GHR: variants seen among roughly 807,000 people sequenced by gnomAD.
GHR encodes the protein GH receptor.
In GHR, 35 loss-of-function variants were observed where a neutral mutation model predicts 67.1. The observed-to-expected ratio is 0.52, with a 90% confidence interval of 0.40 to 0.69. GHR has a LOEUF of 0.69. Ranked by LOEUF, GHR falls within the 30% of genes least tolerant of loss-of-function variation. The pLI is 0.00. For synonymous variants in GHR, 272 were observed against 269.1 expected (o/e 1.01, Z -0.10); for missense variants, 792 against 764.6 (o/e 1.04, Z -0.42).
Position 42,466,073 on chromosome 5 carries a change from G to T in GHR, c.-12+42118G>T, listed in dbSNP as rs1375445160. ...CTTTGATTCCTCTATCCAGGAAGGGGGCTGTTGGTTGCATCTTACCCAAAT... is the reference window on the plus strand; with the variant it reads ...CTTTGATTCCTCTATCCAGGAAGGGTGCTGTTGGTTGCATCTTACCCAAAT... On this transcript the variant is annotated intron_variant, in intron 1 of 9. Coordinates refer to ENST00000230882, the MANE Select transcript of GHR (RefSeq NM_000163.5). The T allele has an allele frequency of 1.4e-5, 5 of 363,882 alleles. No individual in the cohort carries two copies. In the East Asian group the frequency reaches 3.1e-4, roughly 23 times the overall value. The allele number at this position is 363,882 out of a possible 1,614,324, so 22.5% of individuals were successfully genotyped here.
In GHR at chr5:42,718,814, A is replaced by G. The variant is rs773492217; in HGVS notation, c.1307A>G (p.Tyr436Cys). 2 of 1,614,170 alleles carry G rather than the reference A, an allele frequency of 1.2e-6. No individual in the cohort carries two copies. Among genetic ancestry groups the G allele is most frequent in the Non-Finnish European group, 1.7e-6 (2 of 1,180,040 alleles). The change falls in exon 10 of 10, where the codon TAT (tyrosine) becomes TGT (cysteine). Residue 436 changes from tyrosine to cysteine, a missense_variant. By Grantham distance (194) the Tyr-to-Cys change is radical. Coordinates refer to ENST00000230882, the MANE Select transcript of GHR (RefSeq NM_000163.5). Reference sequence around the variant, plus strand: ...CAGAAGAATCAAAATAACTCACCTTATCATGATGCTTGCCCTGCTACTCAG... The same window carrying G: ...CAGAAGAATCAAAATAACTCACCTTGTCATGATGCTTGCCCTGCTACTCAG... ...LDQKNQNNSP[Y>C]HDACPATQQP...
intron 2 of GHR, among the ~76,000 whole-genome samples, chr5:42,587,672 GT>G (rs1006888637): frequency 7.6e-5 from 11 of 145,606 alleles, no homozygotes; most frequent in East Asian, 4.0e-4. Flanking sequence ...GGTTTTTTTT[GT>G]TTTTTTTTTG....
chr5:42,541,817 G>T (rs77799989), intron 1 of GHR, among the ~76,000 whole-genome samples: 121 of 152,234 alleles, frequency 7.9e-4, no homozygotes, highest in African/African-American at 2.9e-3. Flanking sequence ...AAAGAATAGA[G>T]GAAAGGCCTG....
chr5:42,707,815 C>T (rs1306281008), intron 6 of GHR, among the ~76,000 whole-genome samples: 2 of 151,784 alleles, frequency 1.3e-5, no homozygotes, highest in Non-Finnish European at 2.9e-5. Context: ...TTTAAATTTT[C>T]GATGTCACAC....
At chr5:42,505,371 T>G (rs948469739) in intron 1 of GHR, among the ~76,000 whole-genome samples, 6 of 151,954 alleles carry the variant, frequency 3.9e-5, no homozygotes, top group Non-Finnish European at 8.8e-5. Flanking sequence ...TACAAGTAAT[T>G]TTTTTTAAAA....
chr5:42,458,505 A>T (rs1421632890), intron 1 of GHR, among the ~76,000 whole-genome samples: 1 of 152,184 alleles, frequency 6.6e-6, no homozygotes, highest in African/African-American at 2.4e-5. Context: ...TTAAATGTAA[A>T]ACCTAAAACT....
intron 2 of GHR, among the ~76,000 whole-genome samples, chr5:42,615,174 A>G (rs1414400238): frequency 6.6e-6 from 1 of 152,116 alleles, no homozygotes; most frequent in Non-Finnish European, 1.5e-5. Flanking sequence ...ACTGTTAACA[A>G]GAATGTACCC....
intron 2 of GHR, among the ~76,000 whole-genome samples, chr5:42,585,733 C>A (rs1040385487): frequency 6.6e-6 from 1 of 151,792 alleles, no homozygotes; most frequent in African/African-American, 2.4e-5. Context: ...GCATAAAATA[C>A]TCAGTACATG....
rs761601736 is a variant in GHR at position 42,713,551 on chromosome 5, G to T, written c.875+32G>T. ...GTGGAGTAGTATTCTTTGGTATTTT[G>T]TACCAGTTGTTTAGATTTCCATATG... is the stretch of plus-strand genomic sequence containing the variant. On this transcript the variant is annotated intron_variant, in intron 8 of 9. Coordinates refer to ENST00000230882, the MANE Select transcript of GHR (RefSeq NM_000163.5). 5 of 906,568 alleles carry T rather than the reference G, an allele frequency of 5.5e-6. No homozygotes were observed. The South Asian group carries it at 6.5e-5, about 12-fold the overall frequency. 56.2% of individuals were successfully genotyped at this position (906,568 alleles called of 1,614,324 possible). A position where few individuals can be genotyped will look rare whatever the true frequency, so the allele number is the denominator to read the frequency against.
At chr5:42,581,547 A>T (rs1321810575) in intron 2 of GHR, among the ~76,000 whole-genome samples, 1 of 152,258 alleles carries the variant, frequency 6.6e-6, no homozygotes, top group African/African-American at 2.4e-5. Flanking sequence ...GGGACCTCAG[A>T]GGTCCTGTAT....
chr5:42,501,507 T>G (rs1746539895), intron 1 of GHR, among the ~76,000 whole-genome samples: 1 of 152,182 alleles, frequency 6.6e-6, no homozygotes, highest in Non-Finnish European at 1.5e-5. Context: ...ATCTAAAGCT[T>G]CTTTCTCTAG....
At chr5:42,688,071 T>C (rs140674430) in intron 3 of GHR, among the ~76,000 whole-genome samples, 4 of 152,372 alleles carry the variant, frequency 2.6e-5, no homozygotes, top group Admixed American at 2.6e-4. Context: ...ATAAGTTGTT[T>C]AGAGTGGGCA....
Position 42,532,348 on chromosome 5 carries a change from T to TGATAGATAGATAGATA in GHR, c.-11-33504_-11-33489dup, listed in dbSNP as rs35216564. 9.6e-3 allele frequency among the ~76,000 whole-genome samples: 1,456 copies of TGATAGATAGATAGATA among 151,322 alleles called. 30 individuals carry two copies. Among genetic ancestry groups the TGATAGATAGATAGATA allele is most frequent in the African/African-American group, 0.034 (1,400 of 41,102 alleles). On this transcript the variant is annotated intron_variant, in intron 1 of 9. Coordinates refer to ENST00000230882, the MANE Select transcript of GHR (RefSeq NM_000163.5). ...TAGATTTGGAGGTCTTTGATATAGA[T>TGATAGATAGATAGATA]GATAGATAGATAGATAGATAGATAG...
intron 6 of GHR, among the ~76,000 whole-genome samples, chr5:42,709,326 A>G (rs975671379): frequency 2.0e-5 from 3 of 152,176 alleles, no homozygotes; most frequent in African/African-American, 7.2e-5. Flanking sequence ...TATTTTTAGT[A>G]GAGACAGGGT....
chr5:42,719,530 G>A lies in GHR; in HGVS notation c.*106G>A, dbSNP rs1247960697. The A allele has an allele frequency of 1.5e-5, 16 of 1,057,956 alleles. No homozygotes were observed. The highest frequency in any genetic ancestry group is 1.9e-5 in the Non-Finnish European group (13 of 686,408). 65.5% of individuals were successfully genotyped at this position (1,057,956 alleles called of 1,614,324 possible). A position where few individuals can be genotyped will look rare whatever the true frequency, so the allele number is the denominator to read the frequency against. Reference sequence around the variant, plus strand: ...TTAAACCTTTTTTGGGGGAGTGACAGGATGGGGTATGGATTCTAAAATGCC... The same window carrying A: ...TTAAACCTTTTTTGGGGGAGTGACAAGATGGGGTATGGATTCTAAAATGCC... On this transcript the variant is annotated 3_prime_UTR_variant, in exon 10 of 10. Coordinates refer to ENST00000230882, the MANE Select transcript of GHR (RefSeq NM_000163.5).
intron 2 of GHR, among the ~76,000 whole-genome samples, chr5:42,603,944 C>G (rs982893510): frequency 6.6e-6 from 1 of 152,214 alleles, no homozygotes; most frequent in African/African-American, 2.4e-5. Context: ...TGGCTATAAA[C>G]TGAGGTTCCC....
intron 1 of GHR, among the ~76,000 whole-genome samples, chr5:42,505,556 A>T (rs1746736514): frequency 1.3e-5 from 2 of 152,166 alleles, no homozygotes; most frequent in Non-Finnish European, 2.9e-5. Flanking sequence ...AACAAGTACA[A>T]ATCCAGGAAG....
At chr5:42,624,827 T>A (rs1263002028) in intron 2 of GHR, among the ~76,000 whole-genome samples, 1 of 152,206 alleles carries the variant, frequency 6.6e-6, no homozygotes, top group Non-Finnish European at 1.5e-5. Flanking sequence ...AGCAAAGATC[T>A]GTGATGGTGG....
intron 1 of GHR, among the ~76,000 whole-genome samples, chr5:42,494,948 G>A (rs1746259289): frequency 6.6e-6 from 1 of 151,964 alleles, no homozygotes; most frequent in Admixed American, 6.6e-5. Flanking sequence ...CCTTAGAAGG[G>A]TGATGGAAGC....
Sources: gnomAD v4.1 joint callset for allele counts (sites outside exome capture counted in the v4.1 genomes callset) on GRCh38, gnomAD v4.1.1 for gene constraint, MANE v1.5 for transcripts, NCBI Gene and HGNC (gene_info 2026-07-23, HGNC 2026-07-21) for gene names.